The following CHMP3 variants were observed in gnomAD, a reference collection of about 807,000 sequenced individuals.
The protein encoded by CHMP3 is 25.1 protein.
In CHMP3, 8 loss-of-function variants were observed where a neutral mutation model predicts 27.4. The observed-to-expected ratio is 0.29, with a 90% CI of 0.17 to 0.53. CHMP3 has a LOEUF of 0.53. Among genes scored for constraint, CHMP3 ranks in the 20% least tolerant of loss-of-function variants. The pLI is 0.96. For synonymous variants in CHMP3, 86 were observed against 85.5 expected (o/e 1.01, Z -0.03); for missense variants, 208 against 271.5 (o/e 0.77, Z 1.64).
rs996409695 is a variant in CHMP3, at chr2:86,503,524, T to G, written c.*2280A>C. Reference sequence around the variant, plus strand: ...ACAAAGATGTTTACAACAGCTTTATTCATAATTGCCAAAACTTGGAAACCA... The same window carrying G: ...ACAAAGATGTTTACAACAGCTTTATGCATAATTGCCAAAACTTGGAAACCA... On this transcript the variant is annotated 3_prime_UTR_variant, in exon 6 of 6. Coordinates refer to ENST00000263856, the MANE Select transcript of CHMP3 (RefSeq NM_016079.4). 3 of 152,228 alleles carry G rather than the reference T, an allele frequency of 2.0e-5. No individual in the cohort carries two copies. Among genetic ancestry groups the G allele is most frequent in the African/African-American group, 7.2e-5 (3 of 41,452 alleles). 9.4% of individuals were successfully genotyped at this position (152,228 alleles called of 1,614,324 possible). A position where few individuals can be genotyped will look rare whatever the true frequency, so the allele number is the denominator to read the frequency against.
At chr2:86,542,408 A>T in intron 1 of CHMP3, 96 bp from the exon 2 acceptor site, 1 of 1,232,398 alleles carries the variant, frequency 8.1e-7, no homozygotes, top group Non-Finnish European at 1.2e-6. Context: ...TTTATTACAG[A>T]CACAAAATTT....
chr2:86,513,200 G>GA (rs372280703), intron 3 of CHMP3, among the ~76,000 whole-genome samples: 138 of 152,302 alleles, frequency 9.1e-4, no homozygotes, highest in African/African-American at 3.1e-3. Context: ...TTCAAGCCAT[G>GA]AAAAGACAAG....
intron 5 of CHMP3, among the ~76,000 whole-genome samples, chr2:86,506,432 A>G (rs1674889951): frequency 6.6e-6 from 1 of 152,116 alleles, no homozygotes; most frequent in South Asian, 2.1e-4. Flanking sequence ...TATTTTTATC[A>G]TCTCCCTTCC....
At chr2:86,519,387 G>A (rs967264404) in intron 3 of CHMP3, among the ~76,000 whole-genome samples, 6 of 148,012 alleles carry the variant, frequency 4.1e-5, no homozygotes, top group Admixed American at 6.8e-5. Context: ...AAAAAGCAAA[G>A]GAATACTATG....
intron 1 of CHMP3, among the ~76,000 whole-genome samples, chr2:86,546,055 C>A (rs2103999244): frequency 6.6e-6 from 1 of 152,330 alleles, no homozygotes; most frequent in East Asian, 1.9e-4. Flanking sequence ...CACGCCACTG[C>A]ACTCCAGCCT....
chr2:86,505,828 G>A lies in CHMP3; in HGVS notation c.645C>T (p.Ser215=). The A allele has an allele frequency of 1.3e-6, 2 of 1,594,554 alleles. No individual in the cohort carries two copies. Among genetic ancestry groups the A allele is most frequent in the South Asian group, 1.1e-5 (1 of 88,284 alleles). Residue 215 remains serine, a synonymous_variant, in exon 6 of 6, where the codon TCC becomes TCT. Coordinates refer to ENST00000263856, the MANE Select transcript of CHMP3 (RefSeq NM_016079.4). ...EEEEALEAMQ[S]RLATLRS ...CCTAGCTGCGGAGTGTGGCCAGCCGGGACTGCATGGCCTCCAGAGCCTCTT... is the reference window on the plus strand; with the variant it reads ...CCTAGCTGCGGAGTGTGGCCAGCCGAGACTGCATGGCCTCCAGAGCCTCTT...
chr2:86,557,913 T>C, intron 1 of CHMP3, among the ~76,000 whole-genome samples: 1 of 152,220 alleles, frequency 6.6e-6, no homozygotes, highest in East Asian at 1.9e-4. Context: ...TAGTGTCTTA[T>C]TTTTGTAAGC....
intron 3 of CHMP3, among the ~76,000 whole-genome samples, chr2:86,525,255 T>A (rs1362011407): frequency 2.6e-5 from 4 of 152,212 alleles, no homozygotes; most frequent in African/African-American, 9.6e-5. Flanking sequence ...ATTATAAAAC[T>A]ATTTCAAAAA....
chr2:86,558,182 T>G (rs777467089), intron 1 of CHMP3, among the ~76,000 whole-genome samples: 7 of 152,184 alleles, frequency 4.6e-5, no homozygotes, highest in Non-Finnish European at 1.0e-4. Flanking sequence ...AGAATCTCTT[T>G]CCAGCAGAAT....
chr2:86,549,788 C>T (rs1185542323), intron 1 of CHMP3, among the ~76,000 whole-genome samples: 23 of 149,382 alleles, frequency 1.5e-4, no homozygotes, highest in Non-Finnish European at 3.0e-4. Flanking sequence ...CCAGACGGGG[C>T]GGCCGGGCAG....
chr2:86,512,570 T>C (rs1252247188), intron 3 of CHMP3: 1 of 152,146 alleles, frequency 6.6e-6, no homozygotes, highest in Admixed American at 6.5e-5. Flanking sequence ...TAGCCACACC[T>C]TCAAAAGAAT....
intron 3 of CHMP3, among the ~76,000 whole-genome samples, chr2:86,516,639 G>A (rs1322459575): frequency 6.6e-6 from 1 of 152,144 alleles, no homozygotes; most frequent in African/African-American, 2.4e-5. Context: ...CCTACAATGG[G>A]TAAATGGTTA....
At chr2:86,539,888 G>T (rs1676294740) in intron 2 of CHMP3, among the ~76,000 whole-genome samples, 1 of 151,898 alleles carries the variant, frequency 6.6e-6, no homozygotes, top group South Asian at 2.1e-4. Flanking sequence ...AACATTTATT[G>T]TATTGGCAAC....
intron 3 of CHMP3, 135 bp downstream of exon 3, chr2:86,529,082 AT>A (rs1675816769): frequency 4.3e-6 from 4 of 927,886 alleles, no homozygotes; most frequent in Non-Finnish European, 6.0e-6. Context: ...TATATTTTGC[AT>A]TTCTACAACA....
chr2:86,534,196 CTTTTTTTT>C lies in CHMP3; in HGVS notation c.107-4807_107-4800del, dbSNP rs33977886. Among the ~76,000 whole-genome samples, 11 of 66,946 alleles carry C rather than the reference CTTTTTTTT, an allele frequency of 1.6e-4. No homozygotes were observed. The East Asian group carries it at 4.5e-3, about 27-fold the overall frequency. The allele number at this position is 66,946 out of a possible 152,430, so 43.9% of individuals were successfully genotyped here. A position where few individuals can be genotyped will look rare whatever the true frequency, so the allele number is the denominator to read the frequency against. On this transcript the variant is annotated intron_variant, in intron 2 of 5. Transcript: ENST00000263856. ...ATCTTTAGATCCAATTGCTTTATTT[CTTTTTTTT>C]TTTTTTTTTTTTTTTTTTGAGATGG... is the stretch of plus-strand genomic sequence containing the variant.
At chr2:86,520,637 T>A (rs1163146093) in intron 3 of CHMP3, among the ~76,000 whole-genome samples, 2 of 152,230 alleles carry the variant, frequency 1.3e-5, no homozygotes, top group African/African-American at 4.8e-5. Context: ...AAAAATGTGT[T>A]TTGATTCAAC....
chr2:86,524,755 T>C (rs1675635972), intron 3 of CHMP3, among the ~76,000 whole-genome samples: 1 of 152,196 alleles, frequency 6.6e-6, no homozygotes, highest in Non-Finnish European at 1.5e-5. Context: ...ATAAATTCAG[T>C]AAAATCAGCC....
chr2:86,519,609 TAAAC>T (rs985122391), intron 3 of CHMP3, among the ~76,000 whole-genome samples: 5 of 152,230 alleles, frequency 3.3e-5, no homozygotes, highest in African/African-American at 1.2e-4. Flanking sequence ...ATAATGAAAA[TAAAC>T]ATTCATACAG....
intron 3 of CHMP3, among the ~76,000 whole-genome samples, chr2:86,515,559 G>A (rs1321813835): frequency 6.6e-6 from 1 of 152,056 alleles, no homozygotes; most frequent in Non-Finnish European, 1.5e-5. Flanking sequence ...GACCTCAGGT[G>A]ATCCACCCGC....
Sources: gnomAD v4.1 joint callset for allele counts (sites outside exome capture counted in the v4.1 genomes callset) on GRCh38, gnomAD v4.1.1 for gene constraint, MANE v1.5 for transcripts, NCBI Gene and HGNC (gene_info 2026-07-23, HGNC 2026-07-21) for gene names.